Variants in CALB2 observed in about 807,000 individuals in gnomAD.
The protein encoded by CALB2 is calbindin 2, also known as calretinin.
A neutral mutation model predicts 45.9 loss-of-function variants in CALB2; 34 were observed. That is an observed-to-expected ratio of 0.74 (90% CI 0.56 to 0.99). CALB2 has a LOEUF of 0.99. CALB2 is among the 50% of genes least tolerant of loss of function. CALB2 has a pLI of 0.00. For synonymous variants in CALB2, 142 were observed against 129.6 expected (o/e 1.10, Z -0.65); for missense variants, 344 against 339.3 (o/e 1.01, Z -0.11).
chr16:71,360,194 G>A (rs2042224676), intron 1 of CALB2, among the ~76,000 whole-genome samples: 1 of 152,226 alleles, frequency 6.6e-6, no homozygotes, highest in Non-Finnish European at 1.5e-5. Context: ...GGCAGGGTGT[G>A]GAGGTGGCTG....
chr16:71,362,258 GCTC>G (rs1700914904), intron 1 of CALB2, among the ~76,000 whole-genome samples: 2 of 152,314 alleles, frequency 1.3e-5, no homozygotes, highest in African/African-American at 2.4e-5. Context: ...AGGCCACCGG[GCTC>G]CTATTTTACT....
chr16:71,363,728 T>C (rs1011279877), intron 1 of CALB2, among the ~76,000 whole-genome samples: 2 of 152,112 alleles, frequency 1.3e-5, no homozygotes, highest in African/African-American at 4.8e-5. Flanking sequence ...CATGCTGAAA[T>C]AGGGTCACAA....
chr16:71,380,944 T>C (rs1295204914), intron 4 of CALB2, among the ~76,000 whole-genome samples: 1 of 152,120 alleles, frequency 6.6e-6, no homozygotes, highest in African/African-American at 2.4e-5. Flanking sequence ...GATGCACTGA[T>C]GATGATGAGC....
intron 1 of CALB2, among the ~76,000 whole-genome samples, chr16:71,368,692 T>C (rs1386691159): frequency 6.6e-6 from 1 of 152,096 alleles, no homozygotes; most frequent in Non-Finnish European, 1.5e-5. Flanking sequence ...TACTCTGCCA[T>C]GCCCGTGTGT....
In CALB2 at chr16:71,382,882, G is replaced by A. The variant is rs1360338225; in HGVS notation, c.399+107G>A. 4.2e-6 allele frequency: 4 copies of A among 957,260 alleles called. No individual in the cohort carries two copies. In the African/African-American group the frequency reaches 4.9e-5, roughly 12 times the overall value. The allele number at this position is 957,260 out of a possible 1,614,324, so 59.3% of individuals were successfully genotyped here. A position where few individuals can be genotyped will look rare whatever the true frequency, so the allele number is the denominator to read the frequency against. On this transcript the variant is annotated intron_variant, in intron 5 of 10. Transcript: ENST00000302628. ...GGGGCATGAGTTTGCGGGCTGCTTAGGAATACTCAGACCTGGCACTGAATT... is the reference window on the plus strand; with the variant it reads ...GGGGCATGAGTTTGCGGGCTGCTTAAGAATACTCAGACCTGGCACTGAATT...
rs760026354 is a variant in CALB2 at position 71,383,405 on chromosome 16, G to A, written c.438G>A (p.Pro146=). 27 of 1,614,118 alleles carry A rather than the reference G, an allele frequency of 1.7e-5. No individual in the cohort carries two copies. The highest frequency in any genetic ancestry group is 1.6e-4 in the Middle Eastern group (1 of 6,062). ...LSDLLKKANR[P]YDEPKLQEYT... Reference sequence around the variant, plus strand: ...ACCTGCTGAAGAAGGCGAACCGGCCGTACGATGAGCCCAAGCTCCAGGAAT... The same window carrying A: ...ACCTGCTGAAGAAGGCGAACCGGCCATACGATGAGCCCAAGCTCCAGGAAT... Residue 146 remains proline, a synonymous_variant, in exon 6 of 11, where the codon CCG becomes CCA. Transcript: ENST00000302628.
intron 2 of CALB2, among the ~76,000 whole-genome samples, chr16:71,373,824 C>A (rs7192486): frequency 0.033 from 4,966 of 152,224 alleles, 265 homozygotes; most frequent in African/African-American, 0.11. Context: ...GACTATGTAC[C>A]TTTGTAAATA....
At chr16:71,386,192 T>C (rs2042568746) in intron 10 of CALB2, among the ~76,000 whole-genome samples, 1 of 152,234 alleles carries the variant, frequency 6.6e-6, no homozygotes, top group African/African-American at 2.4e-5. Flanking sequence ...TTTTTAAAGC[T>C]GAATAATGCT....
chr16:71,377,081 A>AG (rs1294424496), intron 3 of CALB2, among the ~76,000 whole-genome samples: 1 of 152,184 alleles, frequency 6.6e-6, no homozygotes, highest in Non-Finnish European at 1.5e-5. Flanking sequence ...GGAGCAAAAA[A>AG]GGGGGTAAGG....
intron 1 of CALB2, among the ~76,000 whole-genome samples, chr16:71,361,699 G>A (rs892255433): frequency 2.6e-5 from 4 of 152,166 alleles, no homozygotes; most frequent in Non-Finnish European, 5.9e-5. Context: ...CGAGAGGGAG[G>A]ATGGGGGCAG....
intron 5 of CALB2, 28 bp downstream of exon 5, chr16:71,382,803 G>A (rs1414180141): frequency 6.3e-7 from 1 of 1,590,782 alleles, no homozygotes; most frequent in Non-Finnish European, 8.5e-7. Context: ...GAGGGTGTGA[G>A]GCCAGAGTGG....
At chr16:71,385,422 G>C (rs890653031) in intron 9 of CALB2, 155 bp from the exon 10 acceptor site, 18 of 545,910 alleles carry the variant, frequency 3.3e-5, no homozygotes, top group South Asian at 1.6e-4. Context: ...ACTGGTTAAG[G>C]CAGAAGGGAC....
chr16:71,363,370 A>G (rs2042252784), intron 1 of CALB2, among the ~76,000 whole-genome samples: 1 of 152,128 alleles, frequency 6.6e-6, no homozygotes, highest in African/African-American at 2.4e-5. Flanking sequence ...TCTCACAGGG[A>G]CTGAGTCCTG....
At chr16:71,362,513 T>G (rs1283604189) in intron 1 of CALB2, among the ~76,000 whole-genome samples, 1 of 152,188 alleles carries the variant, frequency 6.6e-6, no homozygotes, top group African/African-American at 2.4e-5. Flanking sequence ...TCGGAAATAC[T>G]AACAATTTCA....
intron 6 of CALB2, 143 bp from the exon 7 acceptor site, chr16:71,383,827 A>G (rs968041565): frequency 8.9e-6 from 8 of 896,966 alleles, no homozygotes; most frequent in African/African-American, 1.6e-5. Context: ...GATTTAGCCC[A>G]TGTTGGTTCT....
intron 1 of CALB2, among the ~76,000 whole-genome samples, chr16:71,365,254 G>A (rs1287185179): frequency 6.6e-6 from 1 of 152,160 alleles, no homozygotes; most frequent in Non-Finnish European, 1.5e-5. Context: ...ATTCCTTAAC[G>A]AGGAAATTCT....
chr16:71,362,743 C>T (rs2042247333), intron 1 of CALB2, among the ~76,000 whole-genome samples: 1 of 147,890 alleles, frequency 6.8e-6, no homozygotes, highest in Admixed American at 6.8e-5. Flanking sequence ...TAGAAAAATA[C>T]AACTGAATAA....
chr16:71,385,535 C>A (rs1173614313), intron 9 of CALB2, 42 bp from the exon 10 acceptor site: 1 of 1,596,054 alleles, frequency 6.3e-7, no homozygotes, highest in Non-Finnish European at 8.6e-7. Context: ...CAGCAGGGGC[C>A]CAGGCTTTAG....
At chr16:71,372,085 G>T in intron 1 of CALB2, 68 bp from the exon 2 acceptor site, 2 of 1,088,408 alleles carry the variant, frequency 1.8e-6, no homozygotes, top group Non-Finnish European at 2.8e-6. Context: ...CGAAGCCCCC[G>T]ACATGCCCAC....
Sources: allele counts gnomAD v4.1 joint callset (sites outside exome capture counted in the v4.1 genomes callset), GRCh38; gene constraint gnomAD v4.1.1; transcripts MANE v1.5; gene names NCBI Gene and HGNC (gene_info 2026-07-23, HGNC 2026-07-21).